Variants in ADGRL3 observed in about 807,000 individuals in gnomAD.
ADGRL3 encodes the protein calcium-independent alpha-latrotoxin receptor 3.
ADGRL3 carries 62 observed loss-of-function variants against 153.5 expected under a neutral mutation model. That is an observed-to-expected ratio of 0.40 (90% CI 0.33 to 0.50). The LOEUF is 0.50. Ranked by LOEUF, ADGRL3 falls within the 20% of genes least tolerant of loss-of-function variation. The pLI is 0.47. For synonymous variants in ADGRL3, 710 were observed against 672.5 expected (o/e 1.06, Z -0.86); for missense variants, 1,641 against 1,859.4 (o/e 0.88, Z 2.16).
At chr4:61,966,573 GGTGTGTGTGTGT>G (rs5858746) in intron 17 of ADGRL3, among the ~76,000 whole-genome samples, 3 of 145,936 alleles carry the variant, frequency 2.1e-5, no homozygotes, top group Admixed American at 6.9e-5. Context: ...TTTCAAAAGG[GGTGTGTGTGTGT>G]GTGTGTGTGT....
At chr4:61,866,520 C>T (rs1357085526) in intron 9 of ADGRL3, among the ~76,000 whole-genome samples, 1 of 152,150 alleles carries the variant, frequency 6.6e-6, no homozygotes, top group African/African-American at 2.4e-5. Flanking sequence ...GTCAGCCTGT[C>T]CTCGGCATTA....
At chr4:61,346,595 C>A (rs1256823448) in intron 1 of ADGRL3, among the ~76,000 whole-genome samples, 1 of 136,440 alleles carries the variant, frequency 7.3e-6, no homozygotes, top group Non-Finnish European at 1.6e-5. Context: ...AAGACACTGT[C>A]TTTACAAAAG....
rs375358260 is a variant in ADGRL3, at chr4:61,489,894, T to C, written c.-173-7227T>C. Among the ~76,000 whole-genome samples the C allele has an allele frequency of 2.0e-4, 31 of 152,222 alleles. 1 individual carries two copies. The East Asian group carries it at 5.0e-3, about 25-fold the overall frequency. On this transcript the variant is annotated intron_variant, in intron 2 of 26. Coordinates refer to ENST00000683033, the MANE Select transcript of ADGRL3 (RefSeq NM_001387552.1). ...TTAAAAGACAATACTTGGAGTAATT[T>C]ATATGTGTTGATATATTTTGTGCCT...
In ADGRL3 at chr4:61,950,304, A is replaced by G. The variant is rs890187140; in HGVS notation, c.2805+2028A>G. ...GTTAATAAGGTAGTGATAAGAATGA[A>G]GTTTGAACAGTGTACTGTGGGAAAA... On this transcript the variant is annotated intron_variant, in intron 17 of 26. Coordinates refer to ENST00000683033, the MANE Select transcript of ADGRL3 (RefSeq NM_001387552.1). 2.6e-5 allele frequency among the ~76,000 whole-genome samples: 4 copies of G among 152,268 alleles called. No homozygotes were observed. The South Asian group carries it at 6.2e-4, about 24-fold the overall frequency.
At chr4:61,291,587 TATATATATATATATATACACACAC>T (rs1399153024) in intron 1 of ADGRL3, among the ~76,000 whole-genome samples, 51 of 11,790 alleles carry the variant, frequency 4.3e-3, no homozygotes, top group African/African-American at 7.4e-3. Flanking sequence ...TATATACATA[TATATATATATATATATACACACAC>T]ATATATATAT....
Position 62,071,955 on chromosome 4 carries a change from C to T in ADGRL3, c.*1047C>T. On this transcript the variant is annotated 3_prime_UTR_variant, in exon 27 of 27. Coordinates refer to ENST00000683033, the MANE Select transcript of ADGRL3 (RefSeq NM_001387552.1). ...GTGTTTTTTGCAAATTAGAGCAGGA[C>T]AAACTTTTATGTTTACAGGGCACGT... 4.0e-6 allele frequency: 1 copy of T among 249,916 alleles called. No individual in the cohort carries two copies. 15.5% of individuals were successfully genotyped at this position (249,916 alleles called of 1,614,324 possible).
intron 4 of ADGRL3, among the ~76,000 whole-genome samples, chr4:61,527,627 A>C (rs2098576745): frequency 1.3e-5 from 2 of 152,196 alleles, no homozygotes; most frequent in African/African-American, 2.4e-5. Flanking sequence ...TGTAGTTCAG[A>C]GAATCCTCCA....
chr4:61,813,704 TATTA>T lies in ADGRL3; in HGVS notation c.1400-101_1400-98del, dbSNP rs200464619. On this transcript the variant is annotated intron_variant, in intron 8 of 26. Transcript: ENST00000683033. Reference sequence around the variant, plus strand: ...GATATGTCTACTCTTTAATTTAGGCTATTAATTCAGTTTGGAGTGAAATAGTGTT... The same window carrying T: ...GATATGTCTACTCTTTAATTTAGGCTATTCAGTTTGGAGTGAAATAGTGTT... 2,290 of 1,328,750 alleles carry T rather than the reference TATTA, an allele frequency of 1.7e-3. 43 individuals carry two copies. In the African/African-American group the frequency reaches 0.03, roughly 17 times the overall value. 82.3% of individuals were successfully genotyped at this position (1,328,750 alleles called of 1,614,324 possible). A position where few individuals can be genotyped will look rare whatever the true frequency, so the allele number is the denominator to read the frequency against.
At chr4:61,913,890 G>A (rs537792923) in intron 13 of ADGRL3, among the ~76,000 whole-genome samples, 1 of 152,236 alleles carries the variant, frequency 6.6e-6, no homozygotes, top group South Asian at 2.1e-4. Context: ...ATCTCTGTGT[G>A]CCAGCTATAA....
At chr4:61,314,901 A>G (rs577035094) in intron 1 of ADGRL3, among the ~76,000 whole-genome samples, 4 of 152,300 alleles carry the variant, frequency 2.6e-5, no homozygotes, top group Non-Finnish European at 2.9e-5. Flanking sequence ...GCTATTTTTA[A>G]TGGTTGGTTG....
intron 17 of ADGRL3, among the ~76,000 whole-genome samples, chr4:61,963,211 G>A (rs779153375): frequency 6.6e-6 from 1 of 150,928 alleles, no homozygotes; most frequent in African/African-American, 2.4e-5. Flanking sequence ...TTTTTTTCTG[G>A]ATTATGGCAG....
At chr4:61,319,211 C>G (rs979398435) in intron 1 of ADGRL3, among the ~76,000 whole-genome samples, 4 of 152,042 alleles carry the variant, frequency 2.6e-5, no homozygotes, top group African/African-American at 7.2e-5. Flanking sequence ...TTTCCAGAAA[C>G]CAGAAAAACA....
chr4:61,807,403 T>G (rs2097564144), intron 8 of ADGRL3, among the ~76,000 whole-genome samples: 1 of 152,076 alleles, frequency 6.6e-6, no homozygotes, highest in African/African-American at 2.4e-5. Flanking sequence ...ATGGAATATA[T>G]TTTTTAATGG....
intron 17 of ADGRL3, among the ~76,000 whole-genome samples, chr4:61,954,426 T>C (rs1223602470): frequency 6.6e-6 from 1 of 151,994 alleles, no homozygotes; most frequent in African/African-American, 2.4e-5. Flanking sequence ...ATTTTCAACA[T>C]AGTTGCCAGA....
chr4:61,785,605 G>A (rs562305565), intron 8 of ADGRL3, among the ~76,000 whole-genome samples: 4 of 152,192 alleles, frequency 2.6e-5, no homozygotes, highest in African/African-American at 9.6e-5. Context: ...TGTTTCAGGA[G>A]CTCTTCTTCC....
intron 1 of ADGRL3, among the ~76,000 whole-genome samples, chr4:61,291,629 ATATT>A (rs1229285495): frequency 1.4e-5 from 2 of 143,194 alleles, no homozygotes; most frequent in East Asian, 2.0e-4. Flanking sequence ...TATATATAAA[ATATT>A]TATTTATATA....
At chr4:61,396,141 T>C (rs899243822) in intron 2 of ADGRL3, among the ~76,000 whole-genome samples, 1 of 151,998 alleles carries the variant, frequency 6.6e-6, no homozygotes, top group Non-Finnish European at 1.5e-5. Context: ...TTCACCCAAA[T>C]GCTTGACAGA....
At chr4:61,976,506 C>T (rs145264684) in intron 17 of ADGRL3, among the ~76,000 whole-genome samples, 353 of 152,054 alleles carry the variant, frequency 2.3e-3, no homozygotes, top group African/African-American at 8.3e-3. Flanking sequence ...GAAAATAATG[C>T]AAGAAAAGCA....
At chr4:61,627,737 G>T (rs1283537758) in intron 5 of ADGRL3, among the ~76,000 whole-genome samples, 1 of 152,040 alleles carries the variant, frequency 6.6e-6, no homozygotes, top group Admixed American at 6.6e-5. Flanking sequence ...GTAGGGTTTG[G>T]GTATTTCGAA....
Sources: gnomAD v4.1 joint callset for allele counts (sites outside exome capture counted in the v4.1 genomes callset) on GRCh38, gnomAD v4.1.1 for gene constraint, MANE v1.5 for transcripts, NCBI Gene and HGNC (gene_info 2026-07-23, HGNC 2026-07-21) for gene names.